The following GRIK2 variants were observed in gnomAD, a reference collection of about 807,000 sequenced individuals.
GRIK2 encodes the protein glutamate receptor ionotropic, kainate 2.
GRIK2 carries 32 observed loss-of-function variants against 100.3 expected under a neutral mutation model. That is an observed-to-expected ratio of 0.32 (90% CI 0.24 to 0.43). The LOEUF (loss-of-function observed/expected upper bound fraction) is 0.43. Ranked by LOEUF, GRIK2 falls within the 20% of genes least tolerant of loss-of-function variation. The probability of loss-of-function intolerance (pLI) is 1.00; values close to 1 mark genes in which losing one functional copy is unlikely to be tolerated. For synonymous variants in GRIK2, 417 were observed against 389.4 expected, an observed-to-expected ratio of 1.07 and a Z score of -0.83; for missense variants, 843 against 1,114.9, an observed-to-expected ratio of 0.76 and a Z score of 3.47.
At chr6:101,892,520 A>AT (rs1562469075) in intron 12 of GRIK2, among the ~76,000 whole-genome samples, 2,231 of 151,478 alleles carry the variant, frequency 0.015, 69 homozygotes, top group African/African-American at 0.052. Flanking sequence ...CTAATGTACC[A>AT]GTTTTTTTTT....
chr6:102,014,075 T>A (rs971651476), intron 14 of GRIK2, among the ~76,000 whole-genome samples: 1 of 152,192 alleles, frequency 6.6e-6, no homozygotes, highest in African/African-American at 2.4e-5. Context: ...TGTTTTTTGG[T>A]TGACAGGCTA....
intron 14 of GRIK2, among the ~76,000 whole-genome samples, chr6:101,973,765 C>G (rs1793202533): frequency 1.3e-5 from 2 of 151,606 alleles, no homozygotes; most frequent in Non-Finnish European, 2.9e-5. Flanking sequence ...TCTTTGGAAC[C>G]CTATTACCTT....
chr6:101,749,534 A>G (rs1776647415), intron 7 of GRIK2, among the ~76,000 whole-genome samples: 1 of 152,174 alleles, frequency 6.6e-6, no homozygotes, highest in African/African-American at 2.4e-5. Context: ...AGGTCTGGTA[A>G]TAAAGCCTGA....
intron 2 of GRIK2, among the ~76,000 whole-genome samples, chr6:101,443,356 C>A (rs1418208362): frequency 6.6e-6 from 1 of 151,996 alleles, no homozygotes; most frequent in Non-Finnish European, 1.5e-5. Flanking sequence ...TAATTTAATT[C>A]TAATTTACAA....
chr6:101,622,051 A>G lies in GRIK2; in HGVS notation c.218A>G (p.Asn73Ser). 6.2e-7 allele frequency: 1 copy of G among 1,603,700 alleles called. No individual in the cohort carries two copies. Residue 73 changes from asparagine to serine, a missense_variant, in exon 3 of 17, where the codon AAT becomes AGT. Transcript: ENST00000369134. ...TINRNRTLLP[N>S]TTLTYDTQKI... is the part of the protein sequence containing the mutation. ...AACAGAAACAGAACATTGCTACCCA[A>G]TACTACCCTTACCTATGATACCCAG...
At chr6:101,810,248 A>C (rs1781247232) in intron 9 of GRIK2, among the ~76,000 whole-genome samples, 2 of 152,016 alleles carry the variant, frequency 1.3e-5, no homozygotes, top group Non-Finnish European at 2.9e-5. Context: ...TAATTCAAAC[A>C]TTATTTAAAA....
chr6:101,765,305 G>T (rs1777979900), intron 7 of GRIK2, among the ~76,000 whole-genome samples: 1 of 152,064 alleles, frequency 6.6e-6, no homozygotes, highest in Non-Finnish European at 1.5e-5. Flanking sequence ...CATATATCTT[G>T]CTTATGTTTA....
chr6:101,885,137 G>C (rs1432352348), intron 11 of GRIK2, among the ~76,000 whole-genome samples: 2 of 152,008 alleles, frequency 1.3e-5, no homozygotes, highest in African/African-American at 4.8e-5. Context: ...TATCTTATTG[G>C]TTGACTTATA....
intron 14 of GRIK2, among the ~76,000 whole-genome samples, chr6:101,992,465 A>G (rs527929144): frequency 1.3e-5 from 2 of 151,814 alleles, no homozygotes; most frequent in South Asian, 4.1e-4. Flanking sequence ...AAAATAACAA[A>G]GAGCAAAAAT....
chr6:101,665,629 G>A (rs181983093), intron 4 of GRIK2, among the ~76,000 whole-genome samples: 1 of 152,192 alleles, frequency 6.6e-6, no homozygotes, highest in Non-Finnish European at 1.5e-5. Context: ...GTTATGAATT[G>A]CTGTTGGATA....
chr6:101,460,996 G>A (rs1396556808), intron 2 of GRIK2, among the ~76,000 whole-genome samples: 3 of 151,966 alleles, frequency 2.0e-5, no homozygotes, highest in Non-Finnish European at 4.4e-5. Flanking sequence ...TGTTATTATC[G>A]TAGACATCAC....
At chr6:101,932,418 C>G (rs1354274302) in intron 14 of GRIK2, among the ~76,000 whole-genome samples, 1 of 151,800 alleles carries the variant, frequency 6.6e-6, no homozygotes, top group Non-Finnish European at 1.5e-5. Context: ...CCATTATGCT[C>G]TTTTTTCATC....
intron 14 of GRIK2, among the ~76,000 whole-genome samples, chr6:101,979,327 G>A (rs190544906): frequency 7.2e-5 from 11 of 151,962 alleles, no homozygotes; most frequent in African/African-American, 2.7e-4. Flanking sequence ...AGAGGAAAAT[G>A]GTGTGAAAAG....
chr6:101,909,640 GA>G (rs2128464946), intron 12 of GRIK2, among the ~76,000 whole-genome samples: 2 of 149,546 alleles, frequency 1.3e-5, no homozygotes, highest in South Asian at 2.1e-4. Flanking sequence ...AAATGAAGAA[GA>G]AAAAAGCATC....
intron 7 of GRIK2, among the ~76,000 whole-genome samples, chr6:101,688,027 ATTG>A (rs1184577266): frequency 4.1e-5 from 6 of 148,106 alleles, no homozygotes; most frequent in East Asian, 3.9e-4. Flanking sequence ...TATCCTTTAA[ATTG>A]TTGTTATGAT....
intron 4 of GRIK2, among the ~76,000 whole-genome samples, chr6:101,658,205 A>T (rs1582906530): frequency 6.6e-6 from 1 of 152,032 alleles, no homozygotes; most frequent in Non-Finnish European, 1.5e-5. Flanking sequence ...TCCCTCCCCT[A>T]GTCCCTCACC....
intron 2 of GRIK2, among the ~76,000 whole-genome samples, chr6:101,433,559 A>G (rs555852632): frequency 1.3e-5 from 2 of 151,892 alleles, no homozygotes; most frequent in Non-Finnish European, 2.9e-5. Context: ...TGTTCCTTTT[A>G]TGTTGTCTGA....
intron 14 of GRIK2, among the ~76,000 whole-genome samples, chr6:102,011,021 C>A (rs2399584): frequency 0.27 from 40,933 of 151,876 alleles, 5,911 homozygotes; most frequent in East Asian, 0.34. Flanking sequence ...TTGAGTGAAC[C>A]TAAGTTTTCA....
At chr6:101,502,616 A>G (rs1773818069) in intron 2 of GRIK2, among the ~76,000 whole-genome samples, 1 of 152,164 alleles carries the variant, frequency 6.6e-6, no homozygotes, top group African/African-American at 2.4e-5. Flanking sequence ...GTGTGTTATC[A>G]TAATTACTTT....
Sources: gnomAD v4.1 joint callset for allele counts (sites outside exome capture counted in the v4.1 genomes callset) on GRCh38, gnomAD v4.1.1 for gene constraint, MANE v1.5 for transcripts, NCBI Gene and HGNC (gene_info 2026-07-23, HGNC 2026-07-21) for gene names.